APBB2: variants seen among roughly 807,000 people sequenced by gnomAD.
APBB2 encodes the protein Fe65-like 1.
In APBB2, 38 loss-of-function variants were observed where a neutral mutation model predicts 82.5. That is an observed-to-expected ratio of 0.46 (90% CI 0.36 to 0.60). The LOEUF (loss-of-function observed/expected upper bound fraction) is 0.60, where lower values mean the gene tolerates loss of function less well. Among genes scored for constraint, APBB2 ranks in the 20% least tolerant of loss-of-function variants. APBB2 has a pLI of 0.00. For synonymous variants in APBB2, 341 were observed against 368.2 expected (o/e 0.93, Z 0.85); for missense variants, 772 against 972.3 (o/e 0.79, Z 2.74).
At chr4:40,925,304 T>C (rs562426726) in intron 10 of APBB2, among the ~76,000 whole-genome samples, 3 of 152,336 alleles carry the variant, frequency 2.0e-5, no homozygotes, top group African/African-American at 7.2e-5. Context: ...TACATGTATA[T>C]TTATAGTGTT....
At chr4:41,052,465 G>C (rs775667674) in intron 4 of APBB2, among the ~76,000 whole-genome samples, 1 of 152,106 alleles carries the variant, frequency 6.6e-6, no homozygotes, top group Non-Finnish European at 1.5e-5. Context: ...CTGGGATGCC[G>C]TGTCATATCA....
At chr4:40,914,771 G>C (rs573801645) in intron 10 of APBB2, among the ~76,000 whole-genome samples, 1 of 151,910 alleles carries the variant, frequency 6.6e-6, no homozygotes, top group South Asian at 2.1e-4. Flanking sequence ...CAAATGATGA[G>C]AATCAGCAGT....
chr4:41,026,726 C>T (rs571868142), intron 5 of APBB2, among the ~76,000 whole-genome samples: 5 of 152,258 alleles, frequency 3.3e-5, no homozygotes, highest in African/African-American at 1.2e-4. Flanking sequence ...TATTTGTTCA[C>T]TGGTTAATGG....
chr4:40,902,487 C>A (rs1775587692), intron 10 of APBB2, among the ~76,000 whole-genome samples: 1 of 152,144 alleles, frequency 6.6e-6, no homozygotes, highest in African/African-American at 2.4e-5. Flanking sequence ...ACAGGCAGGA[C>A]TGAATGACTT....
intron 12 of APBB2, among the ~76,000 whole-genome samples, chr4:40,857,432 T>C (rs986763447): frequency 3.9e-5 from 6 of 152,182 alleles, no homozygotes; most frequent in Non-Finnish European, 7.4e-5. Context: ...TGAACCTCTT[T>C]AGAAAAAGTT....
At chr4:41,195,318 C>G in intron 1 of APBB2, among the ~76,000 whole-genome samples, 1 of 152,216 alleles carries the variant, frequency 6.6e-6, no homozygotes, top group South Asian at 2.1e-4. Flanking sequence ...CAGCCTCCTG[C>G]TTCCAGCTGC....
At chr4:40,986,476 G>A (rs1202602149) in intron 6 of APBB2, among the ~76,000 whole-genome samples, 1 of 152,210 alleles carries the variant, frequency 6.6e-6, no homozygotes, top group African/African-American at 2.4e-5. Flanking sequence ...TTGTGTGGGA[G>A]AGTACACATA....
At position 41,058,720 on chromosome 4, in the gene APBB2, G is replaced by A. The variant is rs186033748; in HGVS notation, c.-51+6856C>T. 7.2e-5 allele frequency among the ~76,000 whole-genome samples: 11 copies of A among 152,316 alleles called. 1 individual carries two copies. The highest frequency in any genetic ancestry group is 6.5e-4 in the Admixed American group (10 of 15,290). ...ATTAATACTTAACATCTAAAGTTCT[G>A]CAGAAATCAGGGATTGCAATTTGGT... On this transcript the variant is annotated intron_variant, in intron 4 of 17. Coordinates refer to ENST00000508593, the MANE Select transcript of APBB2 (RefSeq NM_004307.2).
chr4:41,045,060 T>C (rs1193069876), intron 4 of APBB2, among the ~76,000 whole-genome samples: 2 of 152,134 alleles, frequency 1.3e-5, no homozygotes, highest in Admixed American at 6.5e-5. Context: ...CTTTTCACCT[T>C]CTATTTCTCT....
At chr4:40,879,941 C>T in intron 12 of APBB2, 1 of 914,154 alleles carries the variant, frequency 1.1e-6, no homozygotes, top group Non-Finnish European at 1.3e-6. Context: ...ATCTGCCCGC[C>T]TCAGCCTCTC....
chr4:40,827,224 G>A lies in APBB2; in HGVS notation c.1645-5C>T, dbSNP rs774960422. 18 of 1,613,986 alleles carry A rather than the reference G, an allele frequency of 1.1e-5. No individual in the cohort carries two copies. Among genetic ancestry groups the A allele is most frequent in the Non-Finnish European group, 1.4e-5 (17 of 1,179,896 alleles). On this transcript the variant is annotated splice_region_variant and splice_polypyrimidine_tract_variant and intron_variant, in intron 13 of 17. Coordinates refer to ENST00000508593, the MANE Select transcript of APBB2 (RefSeq NM_004307.2). ...ATTCTTCCGTTCAGCCATAATCTAAGGGGGAAAAAGTGCAGCTTTGGAGCG... is the reference window on the plus strand; with the variant it reads ...ATTCTTCCGTTCAGCCATAATCTAAAGGGGAAAAAGTGCAGCTTTGGAGCG...
intron 6 of APBB2, among the ~76,000 whole-genome samples, chr4:40,969,855 TC>T (rs1269344836): frequency 1.3e-5 from 2 of 152,224 alleles, no homozygotes; most frequent in Admixed American, 6.5e-5. Context: ...ATCTTTAAAA[TC>T]CCTTTAAGTA....
At chr4:41,088,358 C>T (rs1053802519) in intron 3 of APBB2, among the ~76,000 whole-genome samples, 1 of 152,222 alleles carries the variant, frequency 6.6e-6, no homozygotes, top group African/African-American at 2.4e-5. Context: ...TTTATCAACT[C>T]ACCCCTGCCC....
Position 40,890,283 on chromosome 4 carries a change from T to C in APBB2, c.1529+81A>G, listed in dbSNP as rs1372615584. ...TACATGAGTTTCGTATTCCGTGAAA[T>C]GCTGCGAGCCCATGCTTTGGTGTTC... is the stretch of plus-strand genomic sequence containing the variant. On this transcript the variant is annotated intron_variant, in intron 12 of 17. Coordinates refer to ENST00000508593, the MANE Select transcript of APBB2 (RefSeq NM_004307.2). The C allele has an allele frequency of 3.3e-6, 5 of 1,506,668 alleles. No homozygotes were observed. In the Admixed American group the frequency reaches 8.7e-5, roughly 26 times the overall value. 93.3% of individuals were successfully genotyped at this position (1,506,668 alleles called of 1,614,324 possible). A position where few individuals can be genotyped will look rare whatever the true frequency, so the allele number is the denominator to read the frequency against.
At chr4:40,986,336 T>C (rs567168904) in intron 6 of APBB2, among the ~76,000 whole-genome samples, 2 of 152,224 alleles carry the variant, frequency 1.3e-5, no homozygotes, top group Non-Finnish European at 2.9e-5. Context: ...CTCCAGGTTT[T>C]TGAGCTACAT....
chr4:40,865,002 G>T (rs1763715774), intron 12 of APBB2, among the ~76,000 whole-genome samples: 1 of 152,000 alleles, frequency 6.6e-6, no homozygotes, highest in Non-Finnish European at 1.5e-5. Context: ...GGGATTACAG[G>T]CATGTGCCAC....
chr4:41,081,642 C>T (rs1037428504), intron 3 of APBB2, among the ~76,000 whole-genome samples: 3 of 152,122 alleles, frequency 2.0e-5, no homozygotes, highest in Non-Finnish European at 2.9e-5. Context: ...AGCCTCCAAA[C>T]ATTTATACAC....
intron 6 of APBB2, among the ~76,000 whole-genome samples, chr4:40,948,457 A>G (rs1789059326): frequency 6.6e-6 from 1 of 152,086 alleles, no homozygotes; most frequent in Non-Finnish European, 1.5e-5. Flanking sequence ...CTGTAGTGAC[A>G]GCTACTCAAG....
chr4:41,041,499 G>A (rs1032372297), intron 4 of APBB2, among the ~76,000 whole-genome samples: 12 of 152,224 alleles, frequency 7.9e-5, no homozygotes, highest in African/African-American at 2.4e-4. Flanking sequence ...AACATTAACC[G>A]TTACTGGTAA....
Sources: gnomAD v4.1 joint callset for allele counts (sites outside exome capture counted in the v4.1 genomes callset) on GRCh38, gnomAD v4.1.1 for gene constraint, MANE v1.5 for transcripts, NCBI Gene and HGNC (gene_info 2026-07-23, HGNC 2026-07-21) for gene names.